The following LIMK1 variants were observed in gnomAD, a reference collection of about 807,000 sequenced individuals.
The protein encoded by LIMK1 is LIM domain kinase 1, also known as LIM motif-containing protein kinase.
A neutral mutation model predicts 77.6 loss-of-function variants in LIMK1; 21 were observed. That is an observed-to-expected ratio of 0.27 (90% CI 0.19 to 0.39). LIMK1 has a LOEUF of 0.39. Among genes scored for constraint, LIMK1 ranks in the 10% least tolerant of loss-of-function variants. The probability of loss-of-function intolerance (pLI) is 1.00; values close to 1 mark genes in which losing one functional copy is unlikely to be tolerated. For synonymous variants in LIMK1, 358 were observed against 370.0 expected, an observed-to-expected ratio of 0.97 and a Z score of 0.37; for missense variants, 696 against 901.6, an observed-to-expected ratio of 0.77 and a Z score of 2.92.
intron 2 of LIMK1, among the ~76,000 whole-genome samples, chr7:74,089,213 A>G (rs1799192548): frequency 6.6e-6 from 1 of 152,210 alleles, no homozygotes; most frequent in South Asian, 2.1e-4. Context: ...ACATCGCCAC[A>G]GAGTAGGAAA....
At chr7:74,118,550 G>A (rs1799868007) in intron 13 of LIMK1, among the ~76,000 whole-genome samples, 1 of 151,932 alleles carries the variant, frequency 6.6e-6, no homozygotes, top group Non-Finnish European at 1.5e-5. Flanking sequence ...AGGAGTTTGA[G>A]ACCAGCCTGG....
chr7:74,111,885 G>C, intron 11 of LIMK1, 48 bp from the exon 12 acceptor site: 2 of 1,548,416 alleles, frequency 1.3e-6, no homozygotes, highest in Non-Finnish European at 1.8e-6. Context: ...GGATGGGCTG[G>C]GGTCCCTCTG....
rs186729477 is a variant in LIMK1 at position 74,097,461 on chromosome 7, A to G, written c.401+272A>G. ...GATTCCGAGGTGGGTGGATCCCTTG[A>G]GGCTAGGAGTTCAAGACCAGCCTGG... On this transcript the variant is annotated intron_variant, in intron 4 of 15. Coordinates refer to ENST00000336180, the MANE Select transcript of LIMK1 (RefSeq NM_002314.4). 4.7e-3 allele frequency among the ~76,000 whole-genome samples: 720 copies of G among 152,292 alleles called. 7 individuals are homozygous for G. The highest frequency in any genetic ancestry group is 7.3e-3 in the Non-Finnish European group (494 of 68,008).
At chr7:74,107,246 C>CT in intron 8 of LIMK1, 53 bp downstream of exon 8, 2 of 1,515,002 alleles carry the variant, frequency 1.3e-6, no homozygotes, top group South Asian at 2.6e-5. Flanking sequence ...CCCCTCCATC[C>CT]TCCTTCCTTC....
intron 5 of LIMK1, 95 bp from the exon 6 acceptor site, chr7:74,105,780 C>T: frequency 2.6e-6 from 2 of 781,128 alleles, no homozygotes; most frequent in Non-Finnish European, 4.3e-6. Context: ...GAATCCTCCA[C>T]CTGCTCACCC....
At position 74,115,831 on chromosome 7, in the gene LIMK1, G is replaced by C; in HGVS notation, c.1440G>C (p.Gly480=). 1.2e-6 allele frequency: 2 copies of C among 1,614,164 alleles called. No homozygotes were observed. The highest frequency in any genetic ancestry group is 1.7e-6 in the Non-Finnish European group (2 of 1,180,024). The change falls in exon 13 of 16, where the codon GGG becomes GGC. Residue 480 remains glycine, a synonymous_variant. Coordinates refer to ENST00000336180, the MANE Select transcript of LIMK1 (RefSeq NM_002314.4). ...AGAATGTGGTGGTGGCTGACTTCGG[G>C]CTGGCGCGTCTCATGGTGGACGAGA... ...ENKNVVVADF[G]LARLMVDEKT... is the part of the protein sequence containing the mutation.
intron 2 of LIMK1, among the ~76,000 whole-genome samples, chr7:74,088,012 C>A (rs1195189249): frequency 6.6e-6 from 1 of 152,048 alleles, no homozygotes; most frequent in Non-Finnish European, 1.5e-5. Context: ...CTGGTTCAAG[C>A]GATCCTTCTG....
intron 8 of LIMK1, 59 bp downstream of exon 8, chr7:74,107,252 C>T (rs1799596238): frequency 6.7e-7 from 1 of 1,501,702 alleles, no homozygotes; most frequent in Non-Finnish European, 8.9e-7. Context: ...CATCCTCCTT[C>T]CTTCCCAGTC....
intron 5 of LIMK1, among the ~76,000 whole-genome samples, chr7:74,103,337 C>T (rs1213847617): frequency 4.0e-5 from 6 of 151,406 alleles, no homozygotes; most frequent in Admixed American, 3.9e-4. Flanking sequence ...GTGATCCTCC[C>T]GCCTCAGCTT....
At chr7:74,087,406 T>G (rs1168248555) in intron 2 of LIMK1, among the ~76,000 whole-genome samples, 3 of 151,902 alleles carry the variant, frequency 2.0e-5, no homozygotes, top group African/African-American at 7.3e-5. Flanking sequence ...CCAGTCTCAA[T>G]TTTTAAAAAA....
rs1233682358 is a variant in LIMK1, at chr7:74,121,564, C to T, written c.*263C>T. The stretch of plus-strand genomic sequence containing the variant: ...TTGGCAGGGCTGTCCCCTCTTGCTT[C>T]TCCTTGCATGAGCTGGAGGGCCTGT... On this transcript the variant is annotated 3_prime_UTR_variant, in exon 16 of 16. Coordinates refer to ENST00000336180, the MANE Select transcript of LIMK1 (RefSeq NM_002314.4). The T allele has an allele frequency of 8.5e-6, 4 of 469,844 alleles. No homozygotes were observed. 29.1% of individuals were successfully genotyped at this position (469,844 alleles called of 1,614,324 possible).
At chr7:74,103,575 T>A (rs1799510199) in intron 5 of LIMK1, among the ~76,000 whole-genome samples, 1 of 152,214 alleles carries the variant, frequency 6.6e-6, no homozygotes. Flanking sequence ...AAGGATTTTT[T>A]TCCCTTTGTC....
At position 74,084,629 on chromosome 7, in the gene LIMK1, C is replaced by T. The variant is rs1799097343; in HGVS notation, c.55+584C>T. Among the ~76,000 whole-genome samples, 6 of 152,322 alleles carry T rather than the reference C, an allele frequency of 3.9e-5. No individual in the cohort carries two copies. In the South Asian group the frequency reaches 1.2e-3, roughly 32 times the overall value. ...GTGTACTGCGGGAGCCTCATCCACT[C>T]TCCCTGTCCGTGCCCCAAACCCGGT... On this transcript the variant is annotated intron_variant, in intron 1 of 15. Transcript: ENST00000336180.
intron 5 of LIMK1, 34 bp from the exon 6 acceptor site, chr7:74,105,841 G>A (rs1244827066): frequency 1.8e-5 from 28 of 1,529,062 alleles, no homozygotes; most frequent in African/African-American, 2.7e-5. Flanking sequence ...TGAGGGACAG[G>A]TGGGCACTGG....
Position 74,103,821 on chromosome 7 carries a change from G to T in LIMK1, c.609-2054G>T, listed in dbSNP as rs193232056. 3.3e-5 allele frequency among the ~76,000 whole-genome samples: 5 copies of T among 152,088 alleles called. No homozygotes were observed. The East Asian group carries it at 7.7e-4, about 24-fold the overall frequency. ...TGCTTGGTTGTTTTTTTGAGATAGG[G>T]TCTCACTCTGTTGCCCAGGCTGGAG... On this transcript the variant is annotated intron_variant, in intron 5 of 15. Coordinates refer to ENST00000336180, the MANE Select transcript of LIMK1 (RefSeq NM_002314.4).
chr7:74,094,422 G>C (rs1799297901), intron 2 of LIMK1: 2 of 152,270 alleles, frequency 1.3e-5, no homozygotes, highest in Admixed American at 6.5e-5. Flanking sequence ...GGGGACACTT[G>C]GTTACAGCAA....
rs782777225 is a variant in LIMK1 at position 74,115,899 on chromosome 7, G to A, written c.1508G>A (p.Arg503His). The part of the protein sequence containing the change: ...EGLRSLKKPD[R>H]KKRYTVVGNP... ...CTGCGGAGCCTCAAGAAGCCAGACC[G>A]CAAGAAGCGCTACACCGTGGTGGGC... Residue 503 changes from arginine to histidine, a missense_variant, in exon 13 of 16, where the codon CGC (arginine) becomes CAC (histidine). This residue lies in a region of LIMK1 where 438 missense variants were observed against 602.3 expected (regional missense o/e 0.73). Coordinates refer to ENST00000336180, the MANE Select transcript of LIMK1 (RefSeq NM_002314.4). 5 of 1,614,196 alleles carry A rather than the reference G, an allele frequency of 3.1e-6. No homozygotes were observed. The highest frequency in any genetic ancestry group is 1.7e-5 in the Admixed American group (1 of 60,006).
At chr7:74,089,860 G>C (rs552779631) in intron 2 of LIMK1, among the ~76,000 whole-genome samples, 2 of 152,168 alleles carry the variant, frequency 1.3e-5, no homozygotes, top group South Asian at 2.1e-4. Context: ...GAAGAACTTT[G>C]GGGACCCCTG....
At chr7:74,085,226 G>A (rs562436699) in intron 1 of LIMK1, among the ~76,000 whole-genome samples, 7 of 152,328 alleles carry the variant, frequency 4.6e-5, no homozygotes, top group African/African-American at 1.7e-4. Context: ...GCCAAGCCAG[G>A]GCATTCATTG....
Sources: gnomAD v4.1 joint callset for allele counts (sites outside exome capture counted in the v4.1 genomes callset) on GRCh38, gnomAD v4.1.1 for gene constraint, gnomAD v4.1.1 regional missense constraint, MANE v1.5 for transcripts, NCBI Gene and HGNC (gene_info 2026-07-23, HGNC 2026-07-21) for gene names.